NKAIN2: variants seen among roughly 807,000 people sequenced by gnomAD.
NKAIN2 encodes sodium/potassium transporting ATPase interacting 2, also known as sodium/potassium-transporting ATPase subunit beta-1-interacting protein 2.
In NKAIN2, 14 loss-of-function variants were observed where a neutral mutation model predicts 32.6. The ratio of observed to expected loss-of-function variants is 0.43; its 90% CI spans 0.28 to 0.67. The LOEUF is 0.67. Among genes scored for constraint, NKAIN2 ranks in the 30% least tolerant of loss-of-function variants. NKAIN2 has a pLI of 0.17. For missense variants in NKAIN2, 198 were observed against 258.3 expected, an observed-to-expected ratio of 0.77 and a Z score of 1.60; for synonymous variants, 80 against 87.2, an observed-to-expected ratio of 0.92 and a Z score of 0.46.
chr6:124,410,179 G>T (rs1320208547), intron 3 of NKAIN2, among the ~76,000 whole-genome samples: 3 of 151,966 alleles, frequency 2.0e-5, no homozygotes, highest in African/African-American at 7.2e-5. Flanking sequence ...AGGGTTTTTT[G>T]TGTCTCTCTC....
intron 3 of NKAIN2, among the ~76,000 whole-genome samples, chr6:124,612,841 A>C (rs771500544): frequency 2.6e-5 from 4 of 152,170 alleles, no homozygotes; most frequent in Non-Finnish European, 5.9e-5. Flanking sequence ...ATATATGATG[A>C]TTACTGATGT....
chr6:124,186,952 G>A (rs1195815749), intron 1 of NKAIN2, among the ~76,000 whole-genome samples: 5 of 129,368 alleles, frequency 3.9e-5, no homozygotes, highest in Admixed American at 8.2e-5. Context: ...TTTCTGACAA[G>A]AAAAGTACTG....
At chr6:124,721,272 C>T (rs1267659583) in intron 4 of NKAIN2, among the ~76,000 whole-genome samples, 3 of 151,792 alleles carry the variant, frequency 2.0e-5, no homozygotes, top group East Asian at 2.0e-4. Context: ...GGCGCAGTGG[C>T]GGGCGCCTGT....
intron 1 of NKAIN2, among the ~76,000 whole-genome samples, chr6:123,870,552 A>G (rs563923416): frequency 6.6e-6 from 1 of 152,306 alleles, no homozygotes; most frequent in Non-Finnish European, 1.5e-5. Context: ...GGACCATCCT[A>G]ATGCCCGCCT....
chr6:124,217,447 CT>C (rs1375516073), intron 1 of NKAIN2, among the ~76,000 whole-genome samples: 3 of 151,542 alleles, frequency 2.0e-5, no homozygotes, highest in Non-Finnish European at 4.4e-5. Flanking sequence ...AAAAAAAAGT[CT>C]TTCAGGGGGT....
At chr6:124,020,481 C>T (rs144004196) in intron 1 of NKAIN2, among the ~76,000 whole-genome samples, 26 of 152,074 alleles carry the variant, frequency 1.7e-4, no homozygotes, top group Non-Finnish European at 2.8e-4. Context: ...CAGTAGAAGT[C>T]GCATAAAATC....
At chr6:123,970,310 GA>G (rs1213941101) in intron 1 of NKAIN2, among the ~76,000 whole-genome samples, 2 of 152,036 alleles carry the variant, frequency 1.3e-5, no homozygotes, top group African/African-American at 4.8e-5. Flanking sequence ...AGTTTGGTGA[GA>G]AAAACAACTA....
At chr6:124,006,590 C>G (rs939040740) in intron 1 of NKAIN2, among the ~76,000 whole-genome samples, 5 of 152,194 alleles carry the variant, frequency 3.3e-5, no homozygotes, top group African/African-American at 1.2e-4. Context: ...TTCTCCTTTT[C>G]TCTACTCCTC....
At chr6:124,264,130 A>T (rs1365500382) in intron 1 of NKAIN2, among the ~76,000 whole-genome samples, 1 of 152,252 alleles carries the variant, frequency 6.6e-6, no homozygotes, top group Non-Finnish European at 1.5e-5. Context: ...TTTAATTTTC[A>T]TAAGAACAAT....
At chr6:124,540,601 T>C (rs1197093426) in intron 3 of NKAIN2, among the ~76,000 whole-genome samples, 1 of 152,214 alleles carries the variant, frequency 6.6e-6, no homozygotes, top group Non-Finnish European at 1.5e-5. Flanking sequence ...ACATCACCTC[T>C]GTAAGACTCA....
intron 1 of NKAIN2, among the ~76,000 whole-genome samples, chr6:123,975,022 G>A (rs181541693): frequency 1.9e-3 from 292 of 152,150 alleles, no homozygotes; most frequent in Middle Eastern, 3.4e-3. Flanking sequence ...TCATTTTAGC[G>A]TATGTTTGGT....
chr6:124,495,027 A>G (rs558702243), intron 3 of NKAIN2, among the ~76,000 whole-genome samples: 3 of 152,276 alleles, frequency 2.0e-5, no homozygotes, highest in Non-Finnish European at 2.9e-5. Context: ...ATGCTTTATG[A>G]TAATGTTATA....
intron 6 of NKAIN2, among the ~76,000 whole-genome samples, chr6:124,821,429 G>A (rs1226249949): frequency 6.6e-6 from 1 of 152,044 alleles, no homozygotes. Context: ...TAAATTAGAG[G>A]TAATCTCTCA....
intron 3 of NKAIN2, among the ~76,000 whole-genome samples, chr6:124,584,824 G>A (rs1358154671): frequency 1.3e-5 from 2 of 149,934 alleles, no homozygotes; most frequent in Non-Finnish European, 3.0e-5. Flanking sequence ...GTGATTATGT[G>A]GAGAAAGGTG....
Position 123,946,978 on chromosome 6 carries a change from C to T in NKAIN2, c.54+142724C>T, listed in dbSNP as rs150273333. Among the ~76,000 whole-genome samples, 709 of 152,180 alleles carry T rather than the reference C, an allele frequency of 4.7e-3. 2 individuals are homozygous for T. The highest frequency in any genetic ancestry group is 0.016 in the African/African-American group (677 of 41,528). ...TTGGAGGTTCTAATTGTTGTTATAC[C>T]CAGGAAGGAAGACCTTTCCTGCTGG... On this transcript the variant is annotated intron_variant, in intron 1 of 6. Transcript: ENST00000368417.
At position 124,724,899 on chromosome 6, in the gene NKAIN2, C is replaced by G. The variant is rs534050821; in HGVS notation, c.475-66440C>G. 3.9e-5 allele frequency among the ~76,000 whole-genome samples: 6 copies of G among 152,248 alleles called. 1 individual carries two copies. In the East Asian group the frequency reaches 1.2e-3, roughly 29 times the overall value. Reference sequence around the variant, plus strand: ...TTTTCTTTTTCTTCTGGATAATTTACCCTAAATTCTTCTAGTTCCAAGTTG... The same window carrying G: ...TTTTCTTTTTCTTCTGGATAATTTAGCCTAAATTCTTCTAGTTCCAAGTTG... On this transcript the variant is annotated intron_variant, in intron 4 of 6. Coordinates refer to ENST00000368417, the MANE Select transcript of NKAIN2 (RefSeq NM_001040214.3).
At chr6:124,058,240 C>T (rs1430964418) in intron 1 of NKAIN2, among the ~76,000 whole-genome samples, 4 of 140,550 alleles carry the variant, frequency 2.8e-5, no homozygotes, top group African/African-American at 1.1e-4. Flanking sequence ...GCATATAACT[C>T]AGTTATAATT....
chr6:123,884,344 G>A (rs1025174908), intron 1 of NKAIN2, among the ~76,000 whole-genome samples: 1 of 152,010 alleles, frequency 6.6e-6, no homozygotes, highest in African/African-American at 2.4e-5. Context: ...TCTTTATCCA[G>A]TCTATCTCTT....
At chr6:124,028,750 T>C (rs1341829126) in intron 1 of NKAIN2, among the ~76,000 whole-genome samples, 1 of 147,794 alleles carries the variant, frequency 6.8e-6, no homozygotes, top group Non-Finnish European at 1.5e-5. Flanking sequence ...TATATGTGTA[T>C]ATATACAAGT....
Sources: gnomAD v4.1 joint callset for allele counts (sites outside exome capture counted in the v4.1 genomes callset) on GRCh38, gnomAD v4.1.1 for gene constraint, MANE v1.5 for transcripts, NCBI Gene and HGNC (gene_info 2026-07-23, HGNC 2026-07-21) for gene names.